The following BLTP3B variants were observed in gnomAD, a reference collection of about 807,000 sequenced individuals.
The protein encoded by BLTP3B is UHRF1 (ICBP90) binding protein 1-like.
chr12:100,057,096 T>C, the BLTP3B span, among the ~76,000 whole-genome samples: 2 of 152,202 alleles, frequency 1.3e-5, no homozygotes, highest in African/African-American at 2.4e-5. Context: ...AATCCTAATT[T>C]TGTAAATCAG....
the BLTP3B span, among the ~76,000 whole-genome samples, chr12:100,101,377 G>A: frequency 1.3e-5 from 2 of 152,174 alleles, no homozygotes; most frequent in African/African-American, 4.8e-5. Flanking sequence ...GAGTAAGTGA[G>A]TGTGTGTCTG....
the BLTP3B span, among the ~76,000 whole-genome samples, chr12:100,142,433 G>A: frequency 6.6e-6 from 1 of 152,158 alleles, no homozygotes; most frequent in Non-Finnish European, 1.5e-5. Flanking sequence ...CCGGCGACAA[G>A]AGATCCGGGG....
At chr12:100,140,749 TATATAA>T in the BLTP3B span, among the ~76,000 whole-genome samples, 1 of 125,648 alleles carries the variant, frequency 8.0e-6, no homozygotes, top group Non-Finnish European at 1.6e-5. Context: ...TATATATATA[TATATAA>T]AATAAAATAA....
the BLTP3B span, among the ~76,000 whole-genome samples, chr12:100,128,910 T>C: frequency 6.6e-6 from 1 of 152,152 alleles, no homozygotes; most frequent in Non-Finnish European, 1.5e-5. Context: ...ATTTAAGATT[T>C]TCTTCATTTT....
chr12:100,097,649 T>C, the BLTP3B span: 4 of 885,100 alleles, frequency 4.5e-6, no homozygotes, highest in African/African-American at 1.7e-5. Context: ...TTTATTTTTG[T>C]AAATTGCATT....
chr12:100,131,025 GA>G, the BLTP3B span, among the ~76,000 whole-genome samples: 1 of 123,678 alleles, frequency 8.1e-6, no homozygotes, highest in Non-Finnish European at 1.7e-5. Context: ...GAGAGAGAGA[GA>G]GAGAGAGAAA....
the BLTP3B span, among the ~76,000 whole-genome samples, chr12:100,080,759 T>C: frequency 1.3e-5 from 2 of 152,288 alleles, no homozygotes; most frequent in Admixed American, 6.5e-5. Context: ...GTTAAAACTT[T>C]GGGGGACAGT....
chr12:100,084,638 T>G, the BLTP3B span: 1 of 1,613,918 alleles, frequency 6.2e-7, no homozygotes, highest in South Asian at 1.1e-5. Context: ...CTAAAATACA[T>G]CCAATGATTA....
the BLTP3B span, chr12:100,048,312 A>T: frequency 8.4e-7 from 1 of 1,187,486 alleles, no homozygotes. Flanking sequence ...AGTTTAAATG[A>T]TACTCTATAG....
the BLTP3B span, among the ~76,000 whole-genome samples, chr12:100,052,068 ATT>A: frequency 9.8e-5 from 14 of 143,152 alleles, no homozygotes; most frequent in Non-Finnish European, 1.2e-4. Context: ...TTCCCTTTAA[ATT>A]TTTTTTTTTT....
At chr12:100,092,943 T>C in the BLTP3B span, 3 of 985,276 alleles carry the variant, frequency 3.0e-6, no homozygotes, top group Non-Finnish European at 3.6e-6. Context: ...CCTTCCCTTA[T>C]TGGCTAACGG....
At chr12:100,069,905 A>C in the BLTP3B span, 4 of 1,024,598 alleles carry the variant, frequency 3.9e-6, no homozygotes, top group East Asian at 2.5e-4. Context: ...AAATTTTTAA[A>C]AATTACTTGT....
the BLTP3B span, chr12:100,088,785 AT>A: frequency 1.4e-6 from 1 of 696,728 alleles, no homozygotes; most frequent in Non-Finnish European, 2.1e-6. Context: ...TTTCATCTAT[AT>A]ATTCATATGA....
chr12:100,089,065 C>T, the BLTP3B span: 2 of 1,608,208 alleles, frequency 1.2e-6, no homozygotes, highest in African/African-American at 2.7e-5. Context: ...GTTGTCTTCA[C>T]TTGCTGGGCA....
the BLTP3B span, chr12:100,108,633 A>G: frequency 1.5e-5 from 18 of 1,162,478 alleles, no homozygotes; most frequent in African/African-American, 3.1e-5. Context: ...GAGAACTAAA[A>G]ATATAATAGG....
the BLTP3B span, chr12:100,102,896 A>C: frequency 1.7e-6 from 2 of 1,188,680 alleles, no homozygotes; most frequent in Non-Finnish European, 2.4e-6. Context: ...TAGATTATTT[A>C]TTCTACGTAT....
At chr12:100,097,664 C>T in the BLTP3B span, among the ~76,000 whole-genome samples, 1 of 152,008 alleles carries the variant, frequency 6.6e-6, no homozygotes, top group Non-Finnish European at 1.5e-5. Flanking sequence ...TGCATTATTC[C>T]ATCAAATTCA....
chr12:100,048,771 AGTGTGTGTGT>A, the BLTP3B span, among the ~76,000 whole-genome samples: 44 of 115,022 alleles, frequency 3.8e-4, no homozygotes, highest in African/African-American at 1.0e-3. Context: ...AGTGAGAGTG[AGTGTGTGTGT>A]GTGTGTGTGT....
At chr12:100,071,304 C>T in the BLTP3B span, among the ~76,000 whole-genome samples, 1 of 151,918 alleles carries the variant, frequency 6.6e-6, no homozygotes, top group Non-Finnish European at 1.5e-5. Flanking sequence ...AGAGACCAGC[C>T]TGGCCAACAT....
Sources: gnomAD v4.1 joint callset for allele counts (sites outside exome capture counted in the v4.1 genomes callset) on GRCh38, gnomAD v4.1.1 for gene constraint, MANE v1.5 for transcripts, NCBI Gene and HGNC (gene_info 2026-07-23, HGNC 2026-07-21) for gene names.